Variants in ADK observed in about 807,000 individuals in gnomAD.
The protein encoded by ADK is adenosine kinase.
Under a neutral mutation model 44.7 loss-of-function variants are expected in ADK, and 24 were observed. The ratio of observed to expected loss-of-function variants is 0.54; its 90% CI spans 0.39 to 0.76. ADK has a LOEUF of 0.76. Among genes scored for constraint, ADK ranks in the 30% least tolerant of loss-of-function variants. The pLI is 0.00. For synonymous variants in ADK, 128 were observed against 142.6 expected (o/e 0.90, Z 0.73); for missense variants, 321 against 425.1 (o/e 0.76, Z 2.15).
intron 6 of ADK, chr10:74,423,912 T>C: frequency 4.6e-6 from 1 of 219,718 alleles, no homozygotes; most frequent in South Asian, 7.7e-5. Context: ...CTTGAAATTG[T>C]CCCTTGACAA....
At chr10:74,421,493 A>G (rs1221071263) in intron 6 of ADK, among the ~76,000 whole-genome samples, 1 of 152,202 alleles carries the variant, frequency 6.6e-6, no homozygotes, top group East Asian at 1.9e-4. Context: ...ATGCAGAAAT[A>G]ATTATAGATG....
intron 4 of ADK, among the ~76,000 whole-genome samples, chr10:74,368,466 G>C (rs1215794573): frequency 6.6e-6 from 1 of 151,624 alleles, no homozygotes; most frequent in African/African-American, 2.4e-5. Context: ...ATTTCTTCTA[G>C]GGTAAACATT....
chr10:74,284,532 G>A (rs1220185976), intron 3 of ADK, among the ~76,000 whole-genome samples: 3 of 152,184 alleles, frequency 2.0e-5, no homozygotes, highest in African/African-American at 7.2e-5. Flanking sequence ...GCCAAGTGCT[G>A]GGATTACAGG....
intron 3 of ADK, among the ~76,000 whole-genome samples, chr10:74,261,380 G>T (rs1846032879): frequency 1.3e-5 from 2 of 151,954 alleles, no homozygotes; most frequent in African/African-American, 4.8e-5. Flanking sequence ...CTCTCCTTCA[G>T]CCCTCTATTC....
At chr10:74,204,380 C>T (rs1843512404) in intron 2 of ADK, among the ~76,000 whole-genome samples, 1 of 151,878 alleles carries the variant, frequency 6.6e-6, no homozygotes, top group African/African-American at 2.4e-5. Flanking sequence ...GTTTTATTTT[C>T]TTATTGTTCA....
chr10:74,401,567 C>CT (rs958726444), intron 6 of ADK, among the ~76,000 whole-genome samples: 127 of 145,102 alleles, frequency 8.8e-4, no homozygotes, highest in East Asian at 1.6e-3. Context: ...GCAACCCCTG[C>CT]TTTTTTTTTT....
chr10:74,695,610 TATGTGTGGG>T (rs1333184668), intron 10 of ADK, among the ~76,000 whole-genome samples: 6 of 27,042 alleles, frequency 2.2e-4, no homozygotes, highest in Admixed American at 1.2e-3. Flanking sequence ...AATTCCTGTG[TATGTGTGGG>T]GTGTGTGTGT....
At chr10:74,404,482 G>C (rs1013758206) in intron 6 of ADK, among the ~76,000 whole-genome samples, 2 of 151,926 alleles carry the variant, frequency 1.3e-5, no homozygotes, top group Admixed American at 1.3e-4. Flanking sequence ...AATTCTTTCA[G>C]CTTTTGTATG....
intron 1 of ADK, among the ~76,000 whole-genome samples, chr10:74,193,080 T>G (rs924156945): frequency 4.6e-5 from 7 of 152,216 alleles, no homozygotes; most frequent in African/African-American, 1.4e-4. Context: ...ATTGTTACCT[T>G]TAGCATTTCT....
chr10:74,481,216 T>A (rs1411072266), intron 6 of ADK, among the ~76,000 whole-genome samples: 1 of 152,202 alleles, frequency 6.6e-6, no homozygotes, highest in Non-Finnish European at 1.5e-5. Context: ...ATTGAGAGAA[T>A]ACGAAGATAA....
At chr10:74,360,977 G>A (rs1488661502) in intron 4 of ADK, among the ~76,000 whole-genome samples, 7 of 151,666 alleles carry the variant, frequency 4.6e-5, no homozygotes, top group African/African-American at 1.7e-4. Flanking sequence ...GTGTGATCTC[G>A]GCTCACTGCA....
chr10:74,254,985 G>A (rs987158947), intron 3 of ADK, among the ~76,000 whole-genome samples: 3 of 152,094 alleles, frequency 2.0e-5, no homozygotes, highest in African/African-American at 7.2e-5. Flanking sequence ...GATGGTCAAA[G>A]TGAACATCAG....
chr10:74,448,671 C>G (rs1300270978), intron 6 of ADK, among the ~76,000 whole-genome samples: 5 of 152,040 alleles, frequency 3.3e-5, no homozygotes, highest in African/African-American at 1.2e-4. Context: ...AAAATGTTGA[C>G]AGACTGCTTT....
At chr10:74,473,977 T>C (rs1252011624) in intron 6 of ADK, among the ~76,000 whole-genome samples, 1 of 152,240 alleles carries the variant, frequency 6.6e-6, no homozygotes, top group Non-Finnish European at 1.5e-5. Context: ...CACTGATTTA[T>C]AGCATTTATT....
At chr10:74,219,097 C>T in intron 2 of ADK, among the ~76,000 whole-genome samples, 1 of 152,106 alleles carries the variant, frequency 6.6e-6, no homozygotes, top group Non-Finnish European at 1.5e-5. Flanking sequence ...AGTCAAGACC[C>T]ATCAGTGTGT....
At chr10:74,155,320 T>TA (rs886824280) in intron 1 of ADK, among the ~76,000 whole-genome samples, 4 of 151,300 alleles carry the variant, frequency 2.6e-5, no homozygotes, top group Admixed American at 6.6e-5. Flanking sequence ...CTCGAATCTT[T>TA]AAAAAAAACG....
intron 9 of ADK, among the ~76,000 whole-genome samples, chr10:74,658,666 C>A (rs1165878338): frequency 6.6e-6 from 1 of 151,964 alleles, no homozygotes; most frequent in African/African-American, 2.4e-5. Context: ...TGGGCTCAAG[C>A]GATTCTCCTG....
At position 74,506,527 on chromosome 10, in the gene ADK, A is replaced by T. The variant is rs562303117; in HGVS notation, c.556-18729A>T. 3 of 154,140 alleles carry T rather than the reference A, an allele frequency of 1.9e-5. No individual in the cohort carries two copies. The South Asian group carries it at 6.0e-4, about 31-fold the overall frequency. The allele number at this position is 154,140 out of a possible 1,614,324, so 9.5% of individuals were successfully genotyped here. A position where few individuals can be genotyped will look rare whatever the true frequency, so the allele number is the denominator to read the frequency against. On this transcript the variant is annotated intron_variant, in intron 6 of 10. Transcript: ENST00000539909. Reference sequence around the variant, plus strand: ...ATTGCAATATGCAATTTACTGTAAGATGTAGGGTTCACTCAGAGATGATTA... The same window carrying T: ...ATTGCAATATGCAATTTACTGTAAGTTGTAGGGTTCACTCAGAGATGATTA...
intron 6 of ADK, among the ~76,000 whole-genome samples, chr10:74,435,232 G>A (rs1302108328): frequency 6.6e-6 from 1 of 152,142 alleles, no homozygotes; most frequent in Non-Finnish European, 1.5e-5. Context: ...GAGATCAAAG[G>A]TTTATAGATG....
Sources: allele counts gnomAD v4.1 joint callset (sites outside exome capture counted in the v4.1 genomes callset), GRCh38; gene constraint gnomAD v4.1.1; transcripts MANE v1.5; gene names NCBI Gene and HGNC (gene_info 2026-07-23, HGNC 2026-07-21).